The following MED15 variants were observed in gnomAD, a reference collection of about 807,000 sequenced individuals.
MED15 encodes the protein mediator complex subunit 15, also known as mediator of RNA polymerase II transcription subunit 15.
A neutral mutation model predicts 118.7 loss-of-function variants in MED15; 41 were observed. The observed-to-expected ratio is 0.35, with a 90% confidence interval of 0.27 to 0.45. The LOEUF is 0.45. MED15 is among the 20% of genes least tolerant of loss of function. MED15 has a pLI of 1.00. For missense variants in MED15, 740 were observed against 1,025.5 expected, an observed-to-expected ratio of 0.72 and a Z score of 3.80; for synonymous variants, 436 against 413.9, an observed-to-expected ratio of 1.05 and a Z score of -0.65.
Position 20,582,688 on chromosome 22 carries a change from TC to T in MED15, c.1357del (p.Gln453SerfsTer41), listed in dbSNP as rs772043385. ...TGCAGACCCCGCAGTCGATGCCCCC[TC>T]CCCCCCAGCCGTCCCCGCAGCCCGG... ...QVQTPQSMPP[P>X]PQPSPQPGQP... is the part of the protein sequence containing the mutation. On this transcript the variant is annotated frameshift_variant, in exon 10 of 18. Coordinates refer to ENST00000263205, the MANE Select transcript of MED15 (RefSeq NM_001003891.3). LOFTEE classifies it high-confidence loss of function. The T allele has an allele frequency of 6.5e-6, 8 of 1,231,216 alleles. No individual in the cohort carries two copies. Among genetic ancestry groups the T allele is most frequent in the South Asian group, 1.2e-5 (1 of 84,468 alleles). 76.3% of individuals were successfully genotyped at this position (1,231,216 alleles called of 1,614,324 possible).
intron 1 of MED15, among the ~76,000 whole-genome samples, chr22:20,536,292 GCCAGGCCTTTCT>G (rs1331697189): frequency 6.9e-6 from 1 of 145,338 alleles, no homozygotes; most frequent in Admixed American, 7.3e-5. Flanking sequence ...GGAGCCACAG[GCCAGGCCTTTCT>G]AACAGATTCA....
chr22:20,583,819 G>A, intron 13 of MED15: 2 of 235,148 alleles, frequency 8.5e-6, no homozygotes, highest in East Asian at 1.9e-4. Context: ...AATGAAACAA[G>A]GTGGCGCTGG....
chr22:20,555,038 G>A lies in MED15; in HGVS notation c.341G>A (p.Gly114Asp). 1 of 1,612,712 alleles carries A rather than the reference G, an allele frequency of 6.2e-7. No individual in the cohort carries two copies. ...CCGGGACAGTCTCTGGGCGGGATGG[G>A]TAGCCTTGGTGCCATGGGACAGCCA... ...RGPGQSLGGM[G>D]SLGAMGQPMS... Residue 114 changes from glycine (G) to aspartate (D), a missense_variant, in exon 5 of 18, where the codon GGT (glycine) becomes GAT (aspartate). Gly to Asp is a moderately conservative substitution (Grantham distance 94). Around this residue, in one of 7 missense-constraint regions of MED15, gnomAD observed 117 missense variants for 124.6 expected, o/e 0.94. Transcript: ENST00000263205.
chr22:20,542,195 C>T (rs915749889), intron 2 of MED15, among the ~76,000 whole-genome samples: 7 of 152,264 alleles, frequency 4.6e-5, no homozygotes, highest in South Asian at 4.1e-4. Flanking sequence ...AGTTACCATA[C>T]GACCCAGAAG....
At chr22:20,534,249 A>G (rs1237425291) in intron 1 of MED15, among the ~76,000 whole-genome samples, 1 of 151,924 alleles carries the variant, frequency 6.6e-6, no homozygotes, top group Non-Finnish European at 1.5e-5. Context: ...CTCTTCCCTG[A>G]GTCTCCCTAT....
At chr22:20,526,157 G>T (rs982216186) in intron 1 of MED15, among the ~76,000 whole-genome samples, 7 of 151,890 alleles carry the variant, frequency 4.6e-5, no homozygotes, top group East Asian at 1.9e-4. Context: ...TGAATTCCTG[G>T]GCTCAAGCAT....
chr22:20,554,798 G>C, intron 4 of MED15, 138 bp from the exon 5 acceptor site: 2 of 814,302 alleles, frequency 2.5e-6, no homozygotes, highest in Non-Finnish European at 3.8e-6. Context: ...CAGGAGCCTA[G>C]TCTCTTACTG....
At chr22:20,528,637 G>A (rs1188484681) in intron 1 of MED15, among the ~76,000 whole-genome samples, 3 of 152,172 alleles carry the variant, frequency 2.0e-5, no homozygotes, top group Non-Finnish European at 4.4e-5. Context: ...CCTAGAGCAT[G>A]GTCTTCCAGA....
intron 6 of MED15, among the ~76,000 whole-genome samples, chr22:20,566,004 A>G (rs2056424062): frequency 7.1e-6 from 1 of 141,666 alleles, no homozygotes; most frequent in Non-Finnish European, 1.5e-5. Context: ...TGTGAGTGAG[A>G]GGTCAGCCTG....
chr22:20,508,761 C>T (rs2053962689), intron 1 of MED15, among the ~76,000 whole-genome samples: 1 of 152,162 alleles, frequency 6.6e-6, no homozygotes, highest in Non-Finnish European at 1.5e-5. Flanking sequence ...TCTTCAGTTA[C>T]TTCAGGCCAT....
At chr22:20,564,237 A>G (rs1228839419) in intron 5 of MED15, among the ~76,000 whole-genome samples, 1 of 152,196 alleles carries the variant, frequency 6.6e-6, no homozygotes, top group Non-Finnish European at 1.5e-5. Context: ...GTCTTTGGTT[A>G]TTATAGAGTA....
At chr22:20,564,118 G>A (rs1418890873) in intron 5 of MED15, among the ~76,000 whole-genome samples, 1 of 152,190 alleles carries the variant, frequency 6.6e-6, no homozygotes, top group African/African-American at 2.4e-5. Context: ...GATGCCATTC[G>A]TACAAAGAGT....
chr22:20,579,960 G>A (rs1054986084), intron 9 of MED15, among the ~76,000 whole-genome samples: 1 of 152,160 alleles, frequency 6.6e-6, no homozygotes, highest in Non-Finnish European at 1.5e-5. Flanking sequence ...AATGCCAGTT[G>A]TGTCTTCAGA....
At chr22:20,552,802 G>A (rs1440399379) in intron 3 of MED15, 1 of 309,924 alleles carries the variant, frequency 3.2e-6, no homozygotes, top group Non-Finnish European at 6.1e-6. Flanking sequence ...TTCCTGTAGT[G>A]TTCTATTATT....
chr22:20,519,324 CT>C (rs933113318), intron 1 of MED15, among the ~76,000 whole-genome samples: 20 of 152,168 alleles, frequency 1.3e-4, no homozygotes, highest in Middle Eastern at 3.4e-3. Context: ...AATAGAGGCC[CT>C]GTGATTGGGT....
chr22:20,561,229 G>C (rs1569222392), intron 5 of MED15, among the ~76,000 whole-genome samples: 1 of 151,902 alleles, frequency 6.6e-6, no homozygotes, highest in Non-Finnish European at 1.5e-5. Context: ...CTTAGAAAAG[G>C]AAAGACAAAG....
chr22:20,537,127 A>G lies in MED15; in HGVS notation c.79A>G (p.Met27Val). ...CCTTTTGTGTTTCAGCGAGGATGCC[A>G]TGAGGAAAGCTGGTGTGGCACACAG... ...QKLVSQIEDAMRKAGVAHSKS... is the reference protein window; with the variant it reads ...QKLVSQIEDAVRKAGVAHSKS... Residue 27 changes from methionine to valine, a missense_variant, in exon 2 of 18, where the codon ATG (methionine) becomes GTG (valine). Coordinates refer to ENST00000263205, the MANE Select transcript of MED15 (RefSeq NM_001003891.3). 6.2e-7 allele frequency: 1 copy of G among 1,613,746 alleles called. No individual in the cohort carries two copies. The highest frequency in any genetic ancestry group is 8.5e-7 in the Non-Finnish European group (1 of 1,179,756).
At chr22:20,519,635 A>G (rs573524456) in intron 1 of MED15, among the ~76,000 whole-genome samples, 1 of 152,070 alleles carries the variant, frequency 6.6e-6, no homozygotes, top group African/African-American at 2.4e-5. Flanking sequence ...TTGTATTTTT[A>G]TTAGAGATGG....
At chr22:20,571,201 G>GCATC (rs1025107642) in intron 8 of MED15, among the ~76,000 whole-genome samples, 49 of 152,238 alleles carry the variant, frequency 3.2e-4, no homozygotes, top group African/African-American at 1.2e-3. Context: ...AGTCTCACTG[G>GCATC]CATCCCATCA....
Sources: gnomAD v4.1 joint callset for allele counts (sites outside exome capture counted in the v4.1 genomes callset) on GRCh38, gnomAD v4.1.1 for gene constraint, gnomAD v4.1.1 regional missense constraint, MANE v1.5 for transcripts, NCBI Gene and HGNC (gene_info 2026-07-23, HGNC 2026-07-21) for gene names.